The following EEF1AKMT1 variants were observed in gnomAD, a reference collection of about 807,000 sequenced individuals.
The protein encoded by EEF1AKMT1 is EEF1A lysine methyltransferase 1.
EEF1AKMT1 carries 18 observed loss-of-function variants against 21.0 expected under a neutral mutation model. The ratio of observed to expected loss-of-function variants is 0.86; its 90% CI spans 0.59 to 1.27. The LOEUF is 1.27. EEF1AKMT1 is among the 50% of genes most tolerant of loss of function. EEF1AKMT1 has a pLI of 0.00. For missense variants in EEF1AKMT1, 246 were observed against 258.6 expected, an observed-to-expected ratio of 0.95 and a Z score of 0.33; for synonymous variants, 109 against 94.8, an observed-to-expected ratio of 1.15 and a Z score of -0.87.
chr13:20,755,490 T>C (rs2058967006), intron 2 of EEF1AKMT1, among the ~76,000 whole-genome samples: 1 of 152,204 alleles, frequency 6.6e-6, no homozygotes, highest in South Asian at 2.1e-4. Context: ...GAATATAAAC[T>C]GCTAGAAGTC....
chr13:20,773,058 T>C (rs2059070097), intron 1 of EEF1AKMT1, among the ~76,000 whole-genome samples: 1 of 152,142 alleles, frequency 6.6e-6, no homozygotes, highest in African/African-American at 2.4e-5. Flanking sequence ...CTTAATCCAA[T>C]TTACGTCCAG....
chr13:20,732,160 C>G lies in EEF1AKMT1; in HGVS notation c.228-39G>C, dbSNP rs750575345. 9 of 1,566,472 alleles carry G rather than the reference C, an allele frequency of 5.7e-6. No homozygotes were observed. The South Asian group carries it at 1.1e-4, about 19-fold the overall frequency. On this transcript the variant is annotated intron_variant, in intron 3 of 4. Coordinates refer to ENST00000382758, the MANE Select transcript of EEF1AKMT1 (RefSeq NM_001318939.2). ...TGAACACACCATGAAACATCCTTAA[C>G]AGAGAGATTACGGTGTTAACAACTT...
chr13:20,767,099 G>A (rs2059038502), intron 1 of EEF1AKMT1, among the ~76,000 whole-genome samples: 1 of 151,950 alleles, frequency 6.6e-6, no homozygotes, highest in South Asian at 2.1e-4. Flanking sequence ...GAGGTCAGGA[G>A]ATCGAGACCA....
intron 1 of EEF1AKMT1, among the ~76,000 whole-genome samples, chr13:20,763,603 C>T (rs1026780694): frequency 6.6e-6 from 1 of 152,080 alleles, no homozygotes; most frequent in African/African-American, 2.4e-5. Context: ...CAGGTGCCTA[C>T]CACCCACCCT....
intron 2 of EEF1AKMT1, among the ~76,000 whole-genome samples, chr13:20,745,661 C>T (rs534920572): frequency 2.6e-5 from 4 of 152,024 alleles, no homozygotes; most frequent in Non-Finnish European, 5.9e-5. Context: ...CCAGCTTGGT[C>T]AAGATGGTGA....
At chr13:20,729,976 C>T (rs920889174) in intron 4 of EEF1AKMT1, among the ~76,000 whole-genome samples, 4 of 152,180 alleles carry the variant, frequency 2.6e-5, no homozygotes, top group South Asian at 2.1e-4. Flanking sequence ...GAAGAAAACC[C>T]CAATGCCCAC....
intron 1 of EEF1AKMT1, among the ~76,000 whole-genome samples, chr13:20,767,059 C>CACTTTGGG (rs1227345911): frequency 6.6e-6 from 1 of 152,050 alleles, no homozygotes; most frequent in Admixed American, 6.5e-5. Context: ...GTAATCCCAG[C>CACTTTGGG]ACTTTGGGAG....
intron 1 of EEF1AKMT1, among the ~76,000 whole-genome samples, chr13:20,772,743 C>T (rs1184395514): frequency 3.3e-5 from 5 of 152,144 alleles, no homozygotes; most frequent in Admixed American, 6.5e-5. Context: ...AAGGGGCGGA[C>T]ACGTTAGCTT....
intron 2 of EEF1AKMT1, among the ~76,000 whole-genome samples, chr13:20,741,304 C>T (rs958033099): frequency 1.3e-5 from 2 of 152,060 alleles, no homozygotes; most frequent in East Asian, 3.9e-4. Context: ...GACAGACTCT[C>T]ATCTTTGCTC....
At chr13:20,757,285 TA>T in intron 2 of EEF1AKMT1, 169 bp downstream of exon 2, 1 of 659,934 alleles carries the variant, frequency 1.5e-6, no homozygotes, top group Non-Finnish European at 2.5e-6. Flanking sequence ...TACACTGTTC[TA>T]AAATGTTCAC....
chr13:20,757,414 A>G, intron 2 of EEF1AKMT1, 41 bp downstream of exon 2: 1 of 1,608,404 alleles, frequency 6.2e-7, no homozygotes, highest in Non-Finnish European at 8.5e-7. Context: ...AGTAGGTTCC[A>G]CATCAATACT....
chr13:20,755,522 A>G (rs939628721), intron 2 of EEF1AKMT1, among the ~76,000 whole-genome samples: 1 of 152,218 alleles, frequency 6.6e-6, no homozygotes, highest in African/African-American at 2.4e-5. Flanking sequence ...CTTTCCCCAC[A>G]ATGGGGAGCC....
chr13:20,757,805 T>C (rs2141431938), intron 1 of EEF1AKMT1, among the ~76,000 whole-genome samples, 188 bp from the exon 2 acceptor site: 1 of 152,274 alleles, frequency 6.6e-6, no homozygotes, highest in Non-Finnish European at 1.5e-5. Context: ...CAAGTAAACC[T>C]GAAAAACCAG....
intron 1 of EEF1AKMT1, among the ~76,000 whole-genome samples, chr13:20,772,732 AAAG>A (rs2059068671): frequency 6.6e-6 from 1 of 152,202 alleles, no homozygotes; most frequent in Admixed American, 6.5e-5. Flanking sequence ...CAGCATGAGC[AAAG>A]GGGCGGACAC....
chr13:20,768,186 G>A (rs185525835), intron 1 of EEF1AKMT1, among the ~76,000 whole-genome samples: 4 of 152,314 alleles, frequency 2.6e-5, no homozygotes, highest in Admixed American at 6.5e-5. Flanking sequence ...TGGAATGCCA[G>A]ACATTGTGGA....
intron 1 of EEF1AKMT1, among the ~76,000 whole-genome samples, chr13:20,764,150 T>C (rs1195247533): frequency 6.6e-6 from 1 of 152,216 alleles, no homozygotes; most frequent in Non-Finnish European, 1.5e-5. Context: ...AACTACCTTT[T>C]TGTTCTGGGA....
At chr13:20,749,590 G>A (rs948603802) in intron 2 of EEF1AKMT1, among the ~76,000 whole-genome samples, 1 of 152,054 alleles carries the variant, frequency 6.6e-6, no homozygotes, top group Non-Finnish European at 1.5e-5. Flanking sequence ...AGAATTCTAG[G>A]CTACAGTTGG....
At chr13:20,753,317 CA>C (rs951675891) in intron 2 of EEF1AKMT1, among the ~76,000 whole-genome samples, 2 of 152,042 alleles carry the variant, frequency 1.3e-5, no homozygotes, top group Admixed American at 6.5e-5. Context: ...TTCAATTTTT[CA>C]AAAATTGTTG....
intron 3 of EEF1AKMT1, among the ~76,000 whole-genome samples, chr13:20,732,535 G>A (rs930090229): frequency 3.9e-5 from 6 of 152,118 alleles, no homozygotes; most frequent in African/African-American, 1.4e-4. Flanking sequence ...GTTTCATCAT[G>A]TTGGCTAGGC....
Sources: allele counts gnomAD v4.1 joint callset (sites outside exome capture counted in the v4.1 genomes callset), GRCh38; gene constraint gnomAD v4.1.1; transcripts MANE v1.5; gene names NCBI Gene and HGNC (gene_info 2026-07-23, HGNC 2026-07-21).